The following KCNQ1 variants were observed in gnomAD, a reference collection of about 807,000 sequenced individuals.
KCNQ1 encodes potassium voltage-gated channel subfamily Q member 1, also known as potassium voltage-gated channel subfamily KQT member 1.
KCNQ1 carries 49 observed loss-of-function variants against 72.4 expected under a neutral mutation model. That is an observed-to-expected ratio of 0.68 (90% CI 0.54 to 0.86). The LOEUF is 0.86. Among genes scored for constraint, KCNQ1 ranks in the 40% least tolerant of loss-of-function variants. KCNQ1 has a pLI of 0.00. For synonymous variants in KCNQ1, 450 were observed against 412.6 expected, an observed-to-expected ratio of 1.09 and a Z score of -1.10; for missense variants, 790 against 945.1, an observed-to-expected ratio of 0.84 and a Z score of 2.15.
At chr11:2,672,344 C>A (rs1030526664) in intron 11 of KCNQ1, 1 of 398,556 alleles carries the variant, frequency 2.5e-6, no homozygotes, top group Non-Finnish European at 4.4e-6. Flanking sequence ...GGTGCAGAAG[C>A]AGTGTGGTGG....
intron 15 of KCNQ1, among the ~76,000 whole-genome samples, chr11:2,794,561 C>T (rs1057252494): frequency 2.0e-5 from 3 of 152,150 alleles, no homozygotes; most frequent in Admixed American, 1.3e-4. Context: ...TGAGCCCAGC[C>T]GGGCCCCCAA....
rs1038246271 is a variant in KCNQ1, at chr11:2,483,471, G to A, written c.386+37987G>A. 2.6e-5 allele frequency among the ~76,000 whole-genome samples: 4 copies of A among 152,142 alleles called. No individual in the cohort carries two copies. The highest frequency in any genetic ancestry group is 3.4e-3 in the Middle Eastern group (1 of 294). ...CAACTGCAGATCTGATTCAAATCCC[G>A]CGTTTTTCTAGCATCCGGTTTCTGT... is the stretch of plus-strand genomic sequence containing the variant. On this transcript the variant is annotated intron_variant, in intron 1 of 15. Coordinates refer to ENST00000155840, the MANE Select transcript of KCNQ1 (RefSeq NM_000218.3). This position sits in a 1 kb window ranked among gnomAD's most constrained non-coding sequence, Gnocchi z 6.1.
Position 2,593,977 on chromosome 11 carries a change from C to G in KCNQ1, c.1393+5123C>G, listed in dbSNP as rs535636220. On this transcript the variant is annotated intron_variant, in intron 10 of 15. Transcript: ENST00000155840. This position sits in a 1 kb window ranked among gnomAD's most constrained non-coding sequence, Gnocchi z 6.9. Reference sequence around the variant, plus strand: ...CTACTGCCTCCTGCCGTTTCCTGGGCCTTTGTTGCCCAGTATTTTGGTTTT... The same window carrying G: ...CTACTGCCTCCTGCCGTTTCCTGGGGCTTTGTTGCCCAGTATTTTGGTTTT... Among the ~76,000 whole-genome samples the G allele has an allele frequency of 6.6e-6, 1 of 152,274 alleles. No homozygotes were observed. The highest frequency in any genetic ancestry group is 2.4e-5 in the African/African-American group (1 of 41,542).
Position 2,468,994 on chromosome 11 carries a change from G to A in KCNQ1, c.386+23510G>A, listed in dbSNP as rs146352460. On this transcript the variant is annotated intron_variant, in intron 1 of 15. Coordinates refer to ENST00000155840, the MANE Select transcript of KCNQ1 (RefSeq NM_000218.3). This position sits in a 1 kb window ranked among gnomAD's most constrained non-coding sequence, Gnocchi z 5.7. Reference sequence around the variant, plus strand: ...TCACTTTCTAGGACACTGACAAACCGTTTTCTAAAGCAGCAATCCCCTTTT... The same window carrying A: ...TCACTTTCTAGGACACTGACAAACCATTTTCTAAAGCAGCAATCCCCTTTT... 6.6e-5 allele frequency among the ~76,000 whole-genome samples: 10 copies of A among 152,316 alleles called. No individual in the cohort carries two copies. Among genetic ancestry groups the A allele is most frequent in the East Asian group, 5.8e-4 (3 of 5,172 alleles).
At position 2,572,163 on chromosome 11, in the gene KCNQ1, A is replaced by G; in HGVS notation, c.780+54A>G. On this transcript the variant is annotated intron_variant, in intron 5 of 15. Transcript: ENST00000155840. ...CCCAGGTTGGGGACAGGACGGAGGG[A>G]GCAGAGCAGCCCACACTAGGACAGC... The G allele has an allele frequency of 4.4e-6, 6 of 1,366,522 alleles. No individual in the cohort carries two copies. The South Asian group carries it at 5.9e-5, about 14-fold the overall frequency. The allele number at this position is 1,366,522 out of a possible 1,614,324, so 84.6% of individuals were successfully genotyped here.
intron 11 of KCNQ1, chr11:2,665,976 A>AAGCC (rs1850059852): frequency 7.5e-6 from 3 of 398,514 alleles, no homozygotes. Flanking sequence ...CCCAACTGCC[A>AAGCC]AGCCAGCCAG....
rs1849155464 is a variant in KCNQ1 at position 2,620,711 on chromosome 11, TGGG to T, written c.1393+31858_1393+31860del. The stretch of plus-strand genomic sequence containing the variant: ...TTTCCTTTGAATATATATCCAGTAA[TGGG>T]ATTGCTGGGTCAGATGGTAGTTCTG... On this transcript the variant is annotated intron_variant, in intron 10 of 15. Transcript: ENST00000155840. This position sits in a 1 kb window ranked among gnomAD's most constrained non-coding sequence, Gnocchi z 4.5. The T allele has an allele frequency of 2.5e-6, 1 of 398,504 alleles. No homozygotes were observed. The highest frequency in any genetic ancestry group is 4.4e-6 in the Non-Finnish European group (1 of 226,066). 24.7% of individuals were successfully genotyped at this position (398,504 alleles called of 1,614,324 possible).
chr11:2,502,890 G>A (rs552817870), intron 1 of KCNQ1, among the ~76,000 whole-genome samples: 5 of 152,248 alleles, frequency 3.3e-5, no homozygotes, highest in African/African-American at 9.6e-5. Context: ...ATATGTCTAC[G>A]ACAAACTCAT....
In KCNQ1 at chr11:2,724,446, C is replaced by T. The variant is rs1178773726; in HGVS notation, c.1515-44398C>T. 5.9e-5 allele frequency among the ~76,000 whole-genome samples: 9 copies of T among 152,176 alleles called. No individual in the cohort carries two copies. The highest frequency in any genetic ancestry group is 5.2e-4 in the Admixed American group (8 of 15,286). ...TCGAACCCTCCCTGGCAAGCTAACA[C>T]TGCCCTTGGAGGAAGGAGGGTGGGA... On this transcript the variant is annotated intron_variant, in intron 11 of 15. Transcript: ENST00000155840. The surrounding 1 kb of genome is among the most constrained non-coding windows in gnomAD (Gnocchi z 6.8).
Position 2,703,984 on chromosome 11 carries a change from G to T in KCNQ1, c.1514+41903G>T, listed in dbSNP as rs1026412193. Among the ~76,000 whole-genome samples the T allele has an allele frequency of 3.3e-5, 5 of 152,232 alleles. No individual in the cohort carries two copies. Among genetic ancestry groups the T allele is most frequent in the African/African-American group, 1.2e-4 (5 of 41,462 alleles). Reference sequence around the variant, plus strand: ...AGTGGACAGGAACGTGGGGGAGTGGGGGTGGTTAGGACCTCAGGGTTATCC... The same window carrying T: ...AGTGGACAGGAACGTGGGGGAGTGGTGGTGGTTAGGACCTCAGGGTTATCC... On this transcript the variant is annotated intron_variant, in intron 11 of 15. Coordinates refer to ENST00000155840, the MANE Select transcript of KCNQ1 (RefSeq NM_000218.3). The surrounding 1 kb of genome is among the most constrained non-coding windows in gnomAD (Gnocchi z 6.4).
rs1389947715 is a variant in KCNQ1 at position 2,516,831 on chromosome 11, G to T, written c.387-11097G>T. 1.3e-5 allele frequency among the ~76,000 whole-genome samples: 2 copies of T among 152,140 alleles called. No homozygotes were observed. Among genetic ancestry groups the T allele is most frequent in the Non-Finnish European group, 2.9e-5 (2 of 68,024 alleles). On this transcript the variant is annotated intron_variant, in intron 1 of 15. Transcript: ENST00000155840. The surrounding 1 kb of genome is among the most constrained non-coding windows in gnomAD (Gnocchi z 7.0). ...TGCCAGGGCTGCACTGGGCTCTTCT[G>T]GTGGGGAGGGACATTGTTCTGGCCC...
At chr11:2,842,080 G>C (rs528770058) in intron 15 of KCNQ1, among the ~76,000 whole-genome samples, 2 of 152,316 alleles carry the variant, frequency 1.3e-5, no homozygotes, top group African/African-American at 2.4e-5. Context: ...CTGGCTGCTC[G>C]GCAGACAACA....
In KCNQ1 at chr11:2,724,117, A is replaced by C. The variant is rs1845718770; in HGVS notation, c.1515-44727A>C. ...GCTTTTGATAGAGAATCACATCTGGACCAGGACGTTCTGGTAAGATCGCCA... is the reference window on the plus strand; with the variant it reads ...GCTTTTGATAGAGAATCACATCTGGCCCAGGACGTTCTGGTAAGATCGCCA... On this transcript the variant is annotated intron_variant, in intron 11 of 15. Coordinates refer to ENST00000155840, the MANE Select transcript of KCNQ1 (RefSeq NM_000218.3). This position sits in a 1 kb window ranked among gnomAD's most constrained non-coding sequence, Gnocchi z 6.8. Among the ~76,000 whole-genome samples the C allele has an allele frequency of 6.6e-6, 1 of 152,022 alleles. No homozygotes were observed. The highest frequency in any genetic ancestry group is 2.4e-5 in the African/African-American group (1 of 41,364).
In KCNQ1 at chr11:2,768,727, ACT is replaced by A; in HGVS notation, c.1515-113_1515-112del. On this transcript the variant is annotated intron_variant, in intron 11 of 15. Coordinates refer to ENST00000155840, the MANE Select transcript of KCNQ1 (RefSeq NM_000218.3). The surrounding 1 kb of genome is among the most constrained non-coding windows in gnomAD (Gnocchi z 6.7). ...GTATCTCCATCCCATGGAGTTGAACACTCTCCTTGTTTCTGGAAGGATCCAGT... is the reference window on the plus strand; with the variant it reads ...GTATCTCCATCCCATGGAGTTGAACACTCCTTGTTTCTGGAAGGATCCAGT... The A allele has an allele frequency of 1.2e-6, 1 of 821,730 alleles. No individual in the cohort carries two copies. Among genetic ancestry groups the A allele is most frequent in the Non-Finnish European group, 2.1e-6 (1 of 470,114 alleles). 50.9% of individuals were successfully genotyped at this position (821,730 alleles called of 1,614,324 possible).
rs547324193 is a variant in KCNQ1 at position 2,452,569 on chromosome 11, G to A, written c.386+7085G>A. Among the ~76,000 whole-genome samples, 5 of 152,338 alleles carry A rather than the reference G, an allele frequency of 3.3e-5. No individual in the cohort carries two copies. The East Asian group carries it at 5.8e-4, about 18-fold the overall frequency. On this transcript the variant is annotated intron_variant, in intron 1 of 15. Transcript: ENST00000155840. ...AACCTCCTCTGGCTATATCTAAGCA[G>A]CCCCGGGAACCATGCGCTTCAAGCG...
chr11:2,678,037 G>C lies in KCNQ1; in HGVS notation c.1514+15956G>C, dbSNP rs941156589. The C allele has an allele frequency of 1.3e-5, 5 of 398,158 alleles. No individual in the cohort carries two copies. In the East Asian group the frequency reaches 1.8e-4, roughly 14 times the overall value. 24.7% of individuals were successfully genotyped at this position (398,158 alleles called of 1,614,324 possible). On this transcript the variant is annotated intron_variant, in intron 11 of 15. Transcript: ENST00000155840. This position sits in a 1 kb window ranked among gnomAD's most constrained non-coding sequence, Gnocchi z 4.9. Reference sequence around the variant, plus strand: ...AAAATCATTTGTTTTTCTTTCTTGTGAACTATTTCTTCATACCCTTTGGAC... The same window carrying C: ...AAAATCATTTGTTTTTCTTTCTTGTCAACTATTTCTTCATACCCTTTGGAC...
chr11:2,548,812 C>T (rs1847937006), intron 2 of KCNQ1, among the ~76,000 whole-genome samples: 1 of 152,226 alleles, frequency 6.6e-6, no homozygotes, highest in Non-Finnish European at 1.5e-5. Flanking sequence ...CACGTACACA[C>T]ACAGACACAC....
rs79878066 is a variant in KCNQ1, at chr11:2,803,163, C to G, written c.1794+25126C>G. 0.082 allele frequency among the ~76,000 whole-genome samples: 12,472 copies of G among 151,760 alleles called. 1,096 individuals carry two copies. Among genetic ancestry groups the G allele is most frequent in the East Asian group, 0.39 (1,992 of 5,136 alleles). On this transcript the variant is annotated intron_variant, in intron 15 of 15. Transcript: ENST00000155840. The surrounding 1 kb of genome is among the most constrained non-coding windows in gnomAD (Gnocchi z 6.4). ...CAGAAAACCCAGCCGGGCCCCCCCC[C>G]CCACGGGCACCCAGGAACCGCCCTG... is the stretch of plus-strand genomic sequence containing the variant.
chr11:2,490,028 A>C (rs1846808912), intron 1 of KCNQ1, among the ~76,000 whole-genome samples: 1 of 152,196 alleles, frequency 6.6e-6, no homozygotes, highest in African/African-American at 2.4e-5. Flanking sequence ...TCTAGGCCAG[A>C]AGGGAGCCCA....
Sources: allele counts gnomAD v4.1 joint callset (sites outside exome capture counted in the v4.1 genomes callset), GRCh38; gene constraint gnomAD v4.1.1; non-coding constraint Gnocchi (gnomAD v3.1); transcripts MANE v1.5; gene names NCBI Gene and HGNC (gene_info 2026-07-23, HGNC 2026-07-21).